Variants in MTMR4 observed in about 807,000 individuals in gnomAD.
MTMR4 encodes the protein myotubularin related protein 4, also known as phosphatidylinositol-3,5-bisphosphate 3-phosphatase MTMR4.
A neutral mutation model predicts 125.5 loss-of-function variants in MTMR4; 30 were observed. The ratio of observed to expected loss-of-function variants is 0.24; its 90% CI spans 0.18 to 0.32. MTMR4 has a LOEUF of 0.32. MTMR4 is among the 10% of genes least tolerant of loss of function. The probability of loss-of-function intolerance (pLI) is 1.00; values close to 1 mark genes in which losing one functional copy is unlikely to be tolerated. For synonymous variants in MTMR4, 498 were observed against 564.5 expected (o/e 0.88, Z 1.67); for missense variants, 1,039 against 1,511.5 (o/e 0.69, Z 5.18).
upstream of MTMR4, chr17:58,514,747 T>C (rs1203274883): frequency 6.8e-6 from 6 of 886,172 alleles, no homozygotes; most frequent in Non-Finnish European, 8.1e-6. Flanking sequence ...CCGCGGACCC[T>C]GGGCCTCGTA....
At chr17:58,498,538 G>GC (rs1975534111) in intron 14 of MTMR4, among the ~76,000 whole-genome samples, 1 of 93,168 alleles carries the variant, frequency 1.1e-5, no homozygotes, top group African/African-American at 3.9e-5. Context: ...CGGGGGAGGA[G>GC]GGGGGAGGAG....
In MTMR4 at chr17:58,496,061, C is replaced by T; in HGVS notation, c.2123G>A (p.Ser708Asn). The stretch of plus-strand genomic sequence containing the variant: ...GTAACTTGGAGAACAGCTTTTGTGA[C>T]TCTTGAAAGGTTTATTGCTCAAGTA... ...KDYLSNKPFK[S>N]HKSCSPSYKL... The change falls in exon 15 of 18, where the codon AGT becomes AAT. Residue 708 changes from serine to asparagine, a missense_variant. This residue lies in a region of MTMR4 where 619 missense variants were observed against 714.5 expected (regional missense o/e 0.87). Transcript: ENST00000682306. The T allele has an allele frequency of 6.2e-7, 1 of 1,614,200 alleles. No homozygotes were observed.
chr17:58,517,448 C>G (rs2042033062), upstream of MTMR4, among the ~76,000 whole-genome samples: 1 of 152,282 alleles, frequency 6.6e-6, no homozygotes, highest in South Asian at 2.1e-4. Flanking sequence ...GCCCACCTCC[C>G]TGTTCACAGT....
rs1163228488 is a variant in MTMR4, at chr17:58,489,601, C to T, written c.*2062G>A. ...ACAGCACATTGCATGTTTGTCACAA[C>T]GCAACTGCACAGTTTGGATTTTTGG... On this transcript the variant is annotated 3_prime_UTR_variant, in exon 18 of 18. Coordinates refer to ENST00000682306, the MANE Select transcript of MTMR4 (RefSeq NM_001378067.1). 2.0e-5 allele frequency: 3 copies of T among 152,132 alleles called. No individual in the cohort carries two copies. Among genetic ancestry groups the T allele is most frequent in the Admixed American group, 6.5e-5 (1 of 15,280 alleles). The allele number at this position is 152,132 out of a possible 1,614,324, so 9.4% of individuals were successfully genotyped here.
chr17:58,514,359 T>C lies in MTMR4; in HGVS notation c.45+4A>G. 1.0e-6 allele frequency: 1 copy of C among 988,066 alleles called. No individual in the cohort carries two copies. The highest frequency in any genetic ancestry group is 4.6e-5 in the South Asian group (1 of 21,646). 61.2% of individuals were successfully genotyped at this position (988,066 alleles called of 1,614,324 possible). On this transcript the variant is annotated splice_donor_region_variant and intron_variant, in intron 1 of 17. Transcript: ENST00000682306. ...AGGCCCCCAAAGGCAGGGTGGGCAC[T>C]TACGAAGCAGCTAAGCATGGAGCAG...
chr17:58,515,792 G>C (rs1976072759), upstream of MTMR4, among the ~76,000 whole-genome samples: 1 of 152,118 alleles, frequency 6.6e-6, no homozygotes, highest in South Asian at 2.1e-4. Context: ...AGGAAGGGAG[G>C]GAAGGAGGAA....
At chr17:58,517,225 A>G (rs1489849880), upstream of MTMR4, among the ~76,000 whole-genome samples, 1 of 152,234 alleles carries the variant, frequency 6.6e-6, no homozygotes, top group Non-Finnish European at 1.5e-5. Context: ...AGGAGGCCAC[A>G]CAACAGGGAC....
rs1176119970 is a variant in MTMR4, at chr17:58,495,782, G to A, written c.2402C>T (p.Thr801Ile). ...NFPESSQNSP[T>I]GTPQQAQPDS... ...TGGCTGGGCCTGTTGGGGCGTACCT[G>A]TAGGAGAGTTCTGGGAAGACTCAGG... Residue 801 changes from threonine to isoleucine, a missense_variant, in exon 15 of 18, where the codon ACA becomes ATA. By Grantham distance (89) the Thr-to-Ile change is moderately conservative. Transcript: ENST00000682306. 2.5e-6 allele frequency: 4 copies of A among 1,614,054 alleles called. No homozygotes were observed. The South Asian group carries it at 3.3e-5, about 13-fold the overall frequency.
upstream of MTMR4, among the ~76,000 whole-genome samples, chr17:58,518,392 C>T (rs1284167057): frequency 6.6e-6 from 1 of 152,142 alleles, no homozygotes; most frequent in African/African-American, 2.4e-5. Flanking sequence ...CCGGTCCCAA[C>T]GCCAGAATAG....
intron 1 of MTMR4, among the ~76,000 whole-genome samples, chr17:58,513,723 C>T (rs1045567019): frequency 2.0e-5 from 3 of 151,850 alleles, no homozygotes; most frequent in African/African-American, 7.3e-5. Flanking sequence ...GCCCGGCAGA[C>T]ACCCACGGGG....
intron 10 of MTMR4, among the ~76,000 whole-genome samples, 173 bp from the exon 11 acceptor site, chr17:58,505,147 G>A (rs976961437): frequency 6.6e-6 from 1 of 152,166 alleles, no homozygotes. Context: ...GGGAAGACAG[G>A]ACCTACAGCA....
rs190868865 is a variant in MTMR4, at chr17:58,508,672, T to C, written c.496+9A>G. The C allele has an allele frequency of 1.1e-5, 18 of 1,613,832 alleles. No homozygotes were observed. The East Asian group carries it at 3.8e-4, about 34-fold the overall frequency. On this transcript the variant is annotated intron_variant, in intron 5 of 17. Coordinates refer to ENST00000682306, the MANE Select transcript of MTMR4 (RefSeq NM_001378067.1). The surrounding 1 kb of genome is among the most constrained non-coding windows in gnomAD (Gnocchi z 4.8). ...AAGCAGCCTCCCAAAGAAAATAGAC[T>C]GGCCTCACCTGGCTGACATAGGTGA...
At chr17:58,493,246 G>C (rs1212427078) in intron 15 of MTMR4, among the ~76,000 whole-genome samples, 1 of 152,260 alleles carries the variant, frequency 6.6e-6, no homozygotes, top group Non-Finnish European at 1.5e-5. Context: ...TAAACCAGGG[G>C]TTGGCAAGCT....
intron 7 of MTMR4, 59 bp from the exon 8 acceptor site, chr17:58,507,378 T>A (rs1388128048): frequency 2.6e-6 from 4 of 1,531,752 alleles, no homozygotes; most frequent in African/African-American, 2.7e-5. Flanking sequence ...GAGGCCTACC[T>A]CAGGGGGTTA....
intron 1 of MTMR4, chr17:58,513,968 T>G (rs1334293161): frequency 6.6e-6 from 1 of 152,050 alleles, no homozygotes; most frequent in Non-Finnish European, 1.5e-5. Flanking sequence ...CTCAAAGACA[T>G]CCCGTGCTCC....
At chr17:58,502,618 T>C (rs1480685995) in intron 14 of MTMR4, among the ~76,000 whole-genome samples, 2 of 152,054 alleles carry the variant, frequency 1.3e-5, no homozygotes, top group African/African-American at 2.4e-5. Context: ...AAAGGGAATT[T>C]AGATGTGCTG....
At position 58,506,736 on chromosome 17, in the gene MTMR4, G is replaced by T. The variant is rs1466616686; in HGVS notation, c.1033+7C>A. On this transcript the variant is annotated splice_region_variant and intron_variant, in intron 9 of 17. Coordinates refer to ENST00000682306, the MANE Select transcript of MTMR4 (RefSeq NM_001378067.1). ...GCTGGCTGCAGACACTGGGATAACA[G>T]CAATACCTTCACATTCACAGCCTCC... The T allele has an allele frequency of 6.2e-7, 1 of 1,613,142 alleles. No individual in the cohort carries two copies. Among genetic ancestry groups the T allele is most frequent in the African/African-American group, 1.3e-5 (1 of 74,854 alleles).
In MTMR4 at chr17:58,492,499, A is replaced by G. The variant is rs764309459; in HGVS notation, c.3452+12T>C. 1.2e-6 allele frequency: 2 copies of G among 1,613,342 alleles called. No homozygotes were observed. The highest frequency in any genetic ancestry group is 2.2e-5 in the South Asian group (2 of 91,016). ...TGTTTTTTGTCATACTAAATCATAC[A>G]AAACATCTTACCTGCAATGGTGTCT... On this transcript the variant is annotated intron_variant, in intron 17 of 17. Transcript: ENST00000682306.
At chr17:58,497,267 C>A (rs554178397) in intron 14 of MTMR4, among the ~76,000 whole-genome samples, 1 of 152,252 alleles carries the variant, frequency 6.6e-6, no homozygotes, top group African/African-American at 2.4e-5. Context: ...TTTAAGTAAT[C>A]GGTTTTTGAA....
Sources: gnomAD v4.1 joint callset for allele counts (sites outside exome capture counted in the v4.1 genomes callset) on GRCh38, gnomAD v4.1.1 for gene constraint, gnomAD v4.1.1 regional missense constraint, Gnocchi (gnomAD v3.1) non-coding constraint, MANE v1.5 for transcripts, NCBI Gene and HGNC (gene_info 2026-07-23, HGNC 2026-07-21) for gene names.